ST8SIA4: variants seen among roughly 807,000 people sequenced by gnomAD.
The protein encoded by ST8SIA4 is ST8 alpha-N-acetyl-neuraminide alpha-2,8-sialyltransferase 4, also known as CMP-N-acetylneuraminate-poly-alpha-2,8-sialyltransferase.
ST8SIA4 carries 15 observed loss-of-function variants against 33.9 expected under a neutral mutation model. The ratio of observed to expected loss-of-function variants is 0.44; its 90% CI spans 0.30 to 0.68. The LOEUF is 0.68. ST8SIA4 is among the 30% of genes least tolerant of loss of function. The pLI is 0.10. For synonymous variants in ST8SIA4, 171 were observed against 151.2 expected (o/e 1.13, Z -0.96); for missense variants, 321 against 428.0 (o/e 0.75, Z 2.21).
chr5:100,816,441 T>C (rs775569652), intron 4 of ST8SIA4: 5 of 513,196 alleles, frequency 9.7e-6, no homozygotes, highest in Non-Finnish European at 2.0e-5. Flanking sequence ...GGAATATTGG[T>C]TTGTGTTTAT....
chr5:100,851,069 T>C (rs2561527), intron 4 of ST8SIA4, among the ~76,000 whole-genome samples: 136,220 of 150,522 alleles, frequency 0.9, 62,315 homozygotes, highest in Middle Eastern at 0.98. Context: ...AAGCGATTCT[T>C]CTGCCTCAGC....
rs58824079 is a variant in ST8SIA4 at position 100,885,694 on chromosome 5, T to C, written c.503+649A>G. 681 of 941,398 alleles carry C rather than the reference T, an allele frequency of 7.2e-4. 1 individual carries two copies. In the African/African-American group the frequency reaches 0.011, roughly 15 times the overall value. 58.3% of individuals were successfully genotyped at this position (941,398 alleles called of 1,614,324 possible). ...TTTATGATGTGATTATAATTCCATTTCTACTGTTGAGTTTTTTTCAGTTAA... is the reference window on the plus strand; with the variant it reads ...TTTATGATGTGATTATAATTCCATTCCTACTGTTGAGTTTTTTTCAGTTAA... On this transcript the variant is annotated intron_variant, in intron 3 of 4. Transcript: ENST00000231461.
At chr5:100,853,920 C>T (rs2112437436) in intron 4 of ST8SIA4, among the ~76,000 whole-genome samples, 1 of 151,900 alleles carries the variant, frequency 6.6e-6, no homozygotes, top group Non-Finnish European at 1.5e-5. Flanking sequence ...TCAGGGAGGA[C>T]TTACTTCAGA....
At chr5:100,831,021 C>T (rs1187463049) in intron 4 of ST8SIA4, among the ~76,000 whole-genome samples, 1 of 152,130 alleles carries the variant, frequency 6.6e-6, no homozygotes, top group African/African-American at 2.4e-5. Flanking sequence ...ATTACACATA[C>T]ATATAGGACT....
At chr5:100,900,486 T>TA (rs1266741305) in intron 1 of ST8SIA4, 1 of 456,252 alleles carries the variant, frequency 2.2e-6, no homozygotes, top group Non-Finnish European at 4.4e-6. Context: ...TGAAACGAAA[T>TA]AATGAGCTCG....
chr5:100,875,483 C>T (rs575277379), intron 3 of ST8SIA4, among the ~76,000 whole-genome samples: 2 of 152,274 alleles, frequency 1.3e-5, no homozygotes, highest in African/African-American at 4.8e-5. Flanking sequence ...ATTTCTCTTT[C>T]AAACATTCTA....
At chr5:100,877,755 A>G (rs977246005) in intron 3 of ST8SIA4, among the ~76,000 whole-genome samples, 1 of 152,198 alleles carries the variant, frequency 6.6e-6, no homozygotes, top group Admixed American at 6.5e-5. Flanking sequence ...GAGAGCTTCT[A>G]TTATTAAAAT....
chr5:100,819,823 T>G (rs1002327395), intron 4 of ST8SIA4, among the ~76,000 whole-genome samples: 1 of 152,290 alleles, frequency 6.6e-6, no homozygotes, highest in Non-Finnish European at 1.5e-5. Context: ...AATATAAATG[T>G]TTAACATTAT....
intron 1 of ST8SIA4, among the ~76,000 whole-genome samples, chr5:100,897,774 C>A (rs1316205835): frequency 2.0e-5 from 3 of 152,170 alleles, no homozygotes; most frequent in Non-Finnish European, 4.4e-5. Flanking sequence ...CTTAAACTAT[C>A]CTACTGATGA....
chr5:100,902,662 G>C (rs139696924), intron 1 of ST8SIA4, among the ~76,000 whole-genome samples, 181 bp downstream of exon 1: 1 of 152,238 alleles, frequency 6.6e-6, no homozygotes, highest in African/African-American at 2.4e-5. Flanking sequence ...CTCATACTGG[G>C]AACAGCTTAG....
At chr5:100,876,298 T>C (rs1263895453) in intron 3 of ST8SIA4, among the ~76,000 whole-genome samples, 1 of 152,098 alleles carries the variant, frequency 6.6e-6, no homozygotes, top group African/African-American at 2.4e-5. Context: ...TTTGAAGAGA[T>C]ACGTCTAAGG....
chr5:100,827,140 G>A (rs970765464), intron 4 of ST8SIA4, among the ~76,000 whole-genome samples: 5 of 152,142 alleles, frequency 3.3e-5, no homozygotes, highest in African/African-American at 7.2e-5. Flanking sequence ...GTACAAGTCA[G>A]AAGTTTTGAA....
At chr5:100,817,605 A>G (rs1317162295) in intron 4 of ST8SIA4, among the ~76,000 whole-genome samples, 1 of 152,216 alleles carries the variant, frequency 6.6e-6, no homozygotes, top group Non-Finnish European at 1.5e-5. Flanking sequence ...AGTATATTAC[A>G]TAAAGCACAA....
At chr5:100,829,176 G>T (rs1751202027) in intron 4 of ST8SIA4, among the ~76,000 whole-genome samples, 1 of 152,202 alleles carries the variant, frequency 6.6e-6, no homozygotes, top group Admixed American at 6.5e-5. Flanking sequence ...ATTGCCAAGA[G>T]AATCCCAGCG....
intron 3 of ST8SIA4, among the ~76,000 whole-genome samples, chr5:100,881,533 A>AAT (rs1036540830): frequency 1.2e-4 from 19 of 152,090 alleles, no homozygotes; most frequent in Admixed American, 3.9e-4. Context: ...TTTGGATGTA[A>AAT]ATATATATAT....
At chr5:100,889,972 A>G (rs1252354379) in intron 2 of ST8SIA4, among the ~76,000 whole-genome samples, 1 of 151,920 alleles carries the variant, frequency 6.6e-6, no homozygotes, top group Non-Finnish European at 1.5e-5. Context: ...TTTACAAAGT[A>G]AAAAGAAAAA....
rs150888524 is a variant in ST8SIA4, at chr5:100,867,201, T to C, written c.504-10805A>G. Among the ~76,000 whole-genome samples the C allele has an allele frequency of 2.4e-3, 364 of 152,222 alleles. 2 individuals are homozygous for C. The highest frequency in any genetic ancestry group is 8.5e-3 in the African/African-American group (354 of 41,564). On this transcript the variant is annotated intron_variant, in intron 3 of 4. Transcript: ENST00000231461. Reference sequence around the variant, plus strand: ...GAATGCAGGGAAAAAATATGAGTTGTTGAAAAATGCCCTGTGTATTGCGAA... The same window carrying C: ...GAATGCAGGGAAAAAATATGAGTTGCTGAAAAATGCCCTGTGTATTGCGAA...
At chr5:100,846,327 GC>G (rs1241536991) in intron 4 of ST8SIA4, among the ~76,000 whole-genome samples, 2 of 151,784 alleles carry the variant, frequency 1.3e-5, no homozygotes, top group African/African-American at 4.8e-5. Flanking sequence ...GCACAACTTT[GC>G]CCATTTTTAT....
chr5:100,898,005 C>T (rs926230449), intron 1 of ST8SIA4, among the ~76,000 whole-genome samples: 9 of 152,170 alleles, frequency 5.9e-5, no homozygotes, highest in African/African-American at 2.2e-4. Flanking sequence ...ATTTCAGGTG[C>T]AAACTATCAC....
Sources: gnomAD v4.1 joint callset for allele counts (sites outside exome capture counted in the v4.1 genomes callset) on GRCh38, gnomAD v4.1.1 for gene constraint, MANE v1.5 for transcripts, NCBI Gene and HGNC (gene_info 2026-07-23, HGNC 2026-07-21) for gene names.